Variants in CYBRD1 observed in about 807,000 individuals in gnomAD.
CYBRD1 encodes the protein cytochrome b reductase 1, also known as plasma membrane ascorbate-dependent reductase CYBRD1.
Under a neutral mutation model 21.9 loss-of-function variants are expected in CYBRD1, and 14 were observed. The observed-to-expected ratio is 0.64, with a 90% confidence interval of 0.42 to 1.00. The LOEUF (loss-of-function observed/expected upper bound fraction) is 1.00, where lower values mean the gene tolerates loss of function less well. Ranked by LOEUF, CYBRD1 falls within the 50% of genes least tolerant of loss-of-function variation. The pLI, the probability that CYBRD1 is intolerant of heterozygous loss-of-function variation, is 0.00. For missense variants in CYBRD1, 328 were observed against 352.5 expected (o/e 0.93, Z 0.56); for synonymous variants, 146 against 136.5 (o/e 1.07, Z -0.48).
chr2:171,541,526 T>G (rs1697630652), intron 1 of CYBRD1, 59 bp from the exon 2 acceptor site: 1 of 1,537,618 alleles, frequency 6.5e-7, no homozygotes, highest in East Asian at 2.2e-5. Flanking sequence ...AAACTGTTCA[T>G]TTTGTGTTGT....
intron 2 of CYBRD1, among the ~76,000 whole-genome samples, chr2:171,547,647 G>A (rs1339303434): frequency 6.6e-6 from 1 of 152,064 alleles, no homozygotes; most frequent in Non-Finnish European, 1.5e-5. Flanking sequence ...AAGAATTGTT[G>A]GCTTGGGGTG....
intron 1 of CYBRD1, among the ~76,000 whole-genome samples, chr2:171,536,827 C>T (rs1332789073): frequency 6.6e-6 from 1 of 152,002 alleles, no homozygotes; most frequent in Non-Finnish European, 1.5e-5. Flanking sequence ...TACTGTGGTT[C>T]ATTGTTCATA....
Position 171,554,765 on chromosome 2 carries a change from G to C in CYBRD1, c.799G>C (p.Glu267Gln), listed in dbSNP as rs1267022134. The C allele has an allele frequency of 1.2e-6, 2 of 1,613,974 alleles. No homozygotes were observed. The highest frequency in any genetic ancestry group is 2.2e-5 in the South Asian group (2 of 91,080). The change falls in exon 4 of 4, where the codon GAA (glutamate) becomes CAA (glutamine). Residue 267 changes from glutamate to glutamine, a missense_variant. Coordinates refer to ENST00000321348, the MANE Select transcript of CYBRD1 (RefSeq NM_024843.4). ...MDKSDSELNS[E>Q]VAARKRNLAL... is the part of the protein sequence containing the mutation. ...CAAATCAGATTCAGAGTTAAACAGT[G>C]AAGTAGCAGCAAGGAAAAGAAACTT...
intron 1 of CYBRD1, among the ~76,000 whole-genome samples, chr2:171,535,408 C>T (rs13024499): frequency 0.17 from 26,125 of 152,074 alleles, 2,355 homozygotes; most frequent in African/African-American, 0.18. Context: ...AGCCAATTTG[C>T]GTAAATGTAA....
rs1683498018 is a variant in CYBRD1 at position 171,556,967 on chromosome 2, C to T, written c.*2140C>T. 6.6e-6 allele frequency: 1 copy of T among 152,514 alleles called. No individual in the cohort carries two copies. Among genetic ancestry groups the T allele is most frequent in the Non-Finnish European group, 1.5e-5 (1 of 68,018 alleles). The allele number at this position is 152,514 out of a possible 1,614,324, so 9.4% of individuals were successfully genotyped here. A position where few individuals can be genotyped will look rare whatever the true frequency, so the allele number is the denominator to read the frequency against. On this transcript the variant is annotated 3_prime_UTR_variant, in exon 4 of 4. Coordinates refer to ENST00000321348, the MANE Select transcript of CYBRD1 (RefSeq NM_024843.4). ...ATTCCTTTTTGTATAGGCTAAGAAA[C>T]AGGTTATCAGTGAAAAGTTAATTAT...
intron 2 of CYBRD1, among the ~76,000 whole-genome samples, chr2:171,553,103 T>A (rs1233038190): frequency 6.6e-6 from 1 of 152,178 alleles, no homozygotes; most frequent in African/African-American, 2.4e-5. Context: ...GATATTCTGT[T>A]AAGGGAAAAA....
chr2:171,534,274 A>G (rs1206436413), intron 1 of CYBRD1, among the ~76,000 whole-genome samples: 1 of 152,210 alleles, frequency 6.6e-6, no homozygotes, highest in Non-Finnish European at 1.5e-5. Flanking sequence ...TTCCGTCACA[A>G]GTAGCTGTTT....
intron 1 of CYBRD1, among the ~76,000 whole-genome samples, chr2:171,525,037 A>G (rs947222407): frequency 1.3e-5 from 2 of 152,156 alleles, no homozygotes; most frequent in Non-Finnish European, 2.9e-5. Context: ...TCCCAGGTTC[A>G]AGCAATTCTC....
chr2:171,547,506 A>G (rs1697735016), intron 2 of CYBRD1, among the ~76,000 whole-genome samples: 1 of 150,074 alleles, frequency 6.7e-6, no homozygotes, highest in African/African-American at 2.5e-5. Context: ...GGCTAACAGG[A>G]TGGCACCAGT....
At chr2:171,549,021 A>C (rs1420084764) in intron 2 of CYBRD1, among the ~76,000 whole-genome samples, 1 of 152,242 alleles carries the variant, frequency 6.6e-6, no homozygotes, top group African/African-American at 2.4e-5. Context: ...CTTTAAGAAT[A>C]GTAATAATTA....
At chr2:171,549,497 A>G (rs1320843186) in intron 2 of CYBRD1, among the ~76,000 whole-genome samples, 2 of 152,212 alleles carry the variant, frequency 1.3e-5, no homozygotes, top group Non-Finnish European at 2.9e-5. Flanking sequence ...AACCCTGGCT[A>G]TTCTGGGCAC....
rs1429482439 is a variant in CYBRD1 at position 171,558,053 on chromosome 2, T to C, written c.*3226T>C. The C allele has an allele frequency of 1.3e-5, 2 of 151,922 alleles. No individual in the cohort carries two copies. The highest frequency in any genetic ancestry group is 4.8e-5 in the African/African-American group (2 of 41,398). 9.4% of individuals were successfully genotyped at this position (151,922 alleles called of 1,614,324 possible). A position where few individuals can be genotyped will look rare whatever the true frequency, so the allele number is the denominator to read the frequency against. On this transcript the variant is annotated 3_prime_UTR_variant, in exon 4 of 4. Transcript: ENST00000321348. ...GAAAAAATATTAACTATCCTGAATATTTTATAATTTTGTAGGAAAAATATG... is the reference window on the plus strand; with the variant it reads ...GAAAAAATATTAACTATCCTGAATACTTTATAATTTTGTAGGAAAAATATG...
At chr2:171,538,287 A>G (rs1697574731) in intron 1 of CYBRD1, among the ~76,000 whole-genome samples, 1 of 152,174 alleles carries the variant, frequency 6.6e-6, no homozygotes, top group Non-Finnish European at 1.5e-5. Flanking sequence ...ACAGAGATTT[A>G]AAAAATACTT....
chr2:171,522,707 G>A lies in CYBRD1; in HGVS notation c.162G>A (p.Met54Ile), dbSNP rs553503102. Reference sequence around the variant, plus strand: ...AGTTTAACTGGCACCCAGTGCTCATGGTCACCGGCTTCGTCTTCATCCAGG... The same window carrying A: ...AGTTTAACTGGCACCCAGTGCTCATAGTCACCGGCTTCGTCTTCATCCAGG... The part of the protein sequence containing the change: ...ALEFNWHPVL[M>I]VTGFVFIQGI... The change falls in exon 1 of 4, where the codon ATG becomes ATA. Residue 54 changes from methionine to isoleucine, a missense_variant. Transcript: ENST00000321348. The surrounding 1 kb of genome is among the most constrained non-coding windows in gnomAD (Gnocchi z 4.3). The A allele has an allele frequency of 2.5e-6, 4 of 1,613,576 alleles. No homozygotes were observed. The highest frequency in any genetic ancestry group is 1.3e-5 in the African/African-American group (1 of 75,052).
Position 171,555,098 on chromosome 2 carries a change from T to G in CYBRD1, c.*271T>G, listed in dbSNP as rs1683459178. On this transcript the variant is annotated 3_prime_UTR_variant, in exon 4 of 4. Transcript: ENST00000321348. ...ACCACAACATTAGCACGGTGCCTTGTGCAGAATAGATACTCAATATGTGAA... is the reference window on the plus strand; with the variant it reads ...ACCACAACATTAGCACGGTGCCTTGGGCAGAATAGATACTCAATATGTGAA... 2.3e-5 allele frequency: 11 copies of G among 474,324 alleles called. No individual in the cohort carries two copies. The allele number at this position is 474,324 out of a possible 1,614,324, so 29.4% of individuals were successfully genotyped here. A position where few individuals can be genotyped will look rare whatever the true frequency, so the allele number is the denominator to read the frequency against.
chr2:171,538,860 C>T (rs1422800886), intron 1 of CYBRD1, among the ~76,000 whole-genome samples: 3 of 151,982 alleles, frequency 2.0e-5, no homozygotes, highest in Admixed American at 6.6e-5. Flanking sequence ...TGCAATGGTG[C>T]GGTCTTGGTT....
rs1167096892 is a variant in CYBRD1, at chr2:171,541,609, G to A, written c.218G>A (p.Trp73Ter). ...GCCATCATCGTCTACAGACTGCCGT[G>A]GACCTGGAAATGCAGCAAGCTCCTG... ...GIAIIVYRLPWTWKCSKLLMK... is the reference protein window; with the variant it reads ...GIAIIVYRLP The change falls in exon 2 of 4, where the codon TGG (tryptophan) becomes TAG (stop). Residue 73 changes from tryptophan (W) to a stop codon, truncating the protein, a stop_gained. Transcript: ENST00000321348. LOFTEE classifies it high-confidence loss of function. 2 of 1,613,770 alleles carry A rather than the reference G, an allele frequency of 1.2e-6. No homozygotes were observed. Among genetic ancestry groups the A allele is most frequent in the Non-Finnish European group, 1.7e-6 (2 of 1,179,944 alleles).
intron 1 of CYBRD1, among the ~76,000 whole-genome samples, chr2:171,524,485 A>G (rs2105327286): frequency 6.6e-6 from 1 of 152,282 alleles, no homozygotes; most frequent in East Asian, 1.9e-4. Context: ...CTCATAATTG[A>G]GGGTAAGGGA....
chr2:171,554,431 T>A, intron 3 of CYBRD1, 93 bp from the exon 4 acceptor site: 1 of 1,273,286 alleles, frequency 7.9e-7, no homozygotes, highest in Non-Finnish European at 1.1e-6. Context: ...ATTGAAACTG[T>A]ACTAGTGTGC....
Sources: allele counts gnomAD v4.1 joint callset (sites outside exome capture counted in the v4.1 genomes callset), GRCh38; gene constraint gnomAD v4.1.1; non-coding constraint Gnocchi (gnomAD v3.1); transcripts MANE v1.5; gene names NCBI Gene and HGNC (gene_info 2026-07-23, HGNC 2026-07-21).